Variants in COL6A2 observed in about 807,000 individuals in gnomAD.
COL6A2 encodes collagen type VI alpha 2 chain.
A neutral mutation model predicts 124.9 loss-of-function variants in COL6A2; 90 were observed. The ratio of observed to expected loss-of-function variants is 0.72; its 90% CI spans 0.61 to 0.86. The LOEUF is 0.86. Among genes scored for constraint, COL6A2 ranks in the 40% least tolerant of loss-of-function variants. The pLI, the probability that COL6A2 is intolerant of heterozygous loss-of-function variation, is 0.00. For synonymous variants in COL6A2, 793 were observed against 618.2 expected, an observed-to-expected ratio of 1.28 and a Z score of -4.19; for missense variants, 1,607 against 1,502.5, an observed-to-expected ratio of 1.07 and a Z score of -1.15.
chr21:46,132,343 G>T lies in COL6A2; in HGVS notation c.2851G>T (p.Val951Phe), dbSNP rs111630733. The change falls in exon 28 of 28, where the codon GTC becomes TTC. Residue 951 changes from valine (V) to phenylalanine (F), a missense_variant. This residue lies in a region of COL6A2 where 1,223 missense variants were observed against 1,052.2 expected (regional missense o/e 1.16). Transcript: ENST00000300527. ...GTCCTTCGTGTTCCTCACGGACGGC[G>T]TCACGGGCAACGACAGTCTGCACGA... The part of the protein sequence containing the change: ...ELSFVFLTDG[V>F]TGNDSLHESA... 51 of 1,608,084 alleles carry T rather than the reference G, an allele frequency of 3.2e-5. No homozygotes were observed. The highest frequency in any genetic ancestry group is 4.1e-5 in the Non-Finnish European group (48 of 1,179,570).
Position 46,112,345 on chromosome 21 carries a change from C to T in COL6A2, c.482C>T (p.Thr161Ile), listed in dbSNP as rs772499806. ...ACCGTCCACTTCGCCGTGGTCATCA[C>T]CGACGGCCACGTCACCGGCAGCCCC... is the stretch of plus-strand genomic sequence containing the variant. ...KGTVHFAVVI[T>I]DGHVTGSPCG... Residue 161 changes from threonine to isoleucine, a missense_variant, in exon 3 of 28, where the codon ACC becomes ATC. This residue lies in a region of COL6A2 where 342 missense variants were observed against 381.5 expected (regional missense o/e 0.90). Coordinates refer to ENST00000300527, the MANE Select transcript of COL6A2 (RefSeq NM_001849.4). 6.2e-7 allele frequency: 1 copy of T among 1,609,766 alleles called. No individual in the cohort carries two copies.
At chr21:46,102,609 A>G (rs1231714658) in intron 1 of COL6A2, among the ~76,000 whole-genome samples, 1 of 151,768 alleles carries the variant, frequency 6.6e-6, no homozygotes, top group African/African-American at 2.4e-5. Flanking sequence ...ATGAAAGGGT[A>G]TTGAATTTTG....
intron 1 of COL6A2, among the ~76,000 whole-genome samples, chr21:46,098,456 T>TG (rs34972836): frequency 0.83 from 125,063 of 150,954 alleles, 52,059 homozygotes; most frequent in Middle Eastern, 0.9. Context: ...CTGGGCGGGG[T>TG]GGGGGGGTCC....
chr21:46,132,237 G>C lies in COL6A2; in HGVS notation c.2745G>C (p.Ser915=). 1.2e-6 allele frequency: 2 copies of C among 1,600,938 alleles called. No homozygotes were observed. The highest frequency in any genetic ancestry group is 8.5e-7 in the Non-Finnish European group (1 of 1,175,436). ...CCACACAATACCTGAACTCCTTCTCGCACGTGGGCGCAGGCGTGGTGCACG... is the reference window on the plus strand; with the variant it reads ...CCACACAATACCTGAACTCCTTCTCCCACGTGGGCGCAGGCGTGGTGCACG... ...LETTQYLNSF[S]HVGAGVVHAI... Residue 915 remains serine, a synonymous_variant, in exon 28 of 28, where the codon TCG becomes TCC. Transcript: ENST00000300527.
chr21:46,131,818 G>C (rs2078763590), intron 27 of COL6A2, 136 bp from the exon 28 acceptor site: 1 of 841,788 alleles, frequency 1.2e-6, no homozygotes, highest in Non-Finnish European at 1.9e-6. Flanking sequence ...CTGCCCTGCA[G>C]AAACGCCCCC....
In COL6A2 at chr21:46,125,788, CGCGTGTGG is replaced by C; in HGVS notation, c.1979_1986del (p.Val660GlyfsTer10). 14 of 1,611,350 alleles carry C rather than the reference CGCGTGTGG, an allele frequency of 8.7e-6. No individual in the cohort carries two copies. Among genetic ancestry groups the C allele is most frequent in the Non-Finnish European group, 1.2e-5 (14 of 1,178,720 alleles). On this transcript the variant is annotated frameshift_variant, in exon 26 of 28. Transcript: ENST00000300527. LOFTEE classifies it high-confidence loss of function. ...ACCTCACGCGTGCGGCTTGCAGGGA[CGCGTGTGG>C]GCGTGGTGCAGTACAGCCACGAGGG...
Position 46,119,816 on chromosome 21 carries a change from G to A in COL6A2, c.1298G>A (p.Gly433Asp). ...CGCAGGGGAGACCCCGGCACCAAGG[G>A]CAGCCCAGGCAGCGATGGCCCCAAG... ...PGRRGDPGTK[G>D]SPGSDGPKGE... Residue 433 changes from glycine to aspartate, a missense_variant, in exon 15 of 28, where the codon GGC (glycine) becomes GAC (aspartate). Gly to Asp is a moderately conservative substitution (Grantham distance 94). Around this residue, in one of 3 missense-constraint regions of COL6A2, gnomAD observed 1,223 missense variants for 1,052.2 expected, o/e 1.16. Transcript: ENST00000300527. 1 of 1,563,846 alleles carries A rather than the reference G, an allele frequency of 6.4e-7. No homozygotes were observed. Among genetic ancestry groups the A allele is most frequent in the Non-Finnish European group, 8.7e-7 (1 of 1,153,734 alleles).
rs11554669 is a variant in COL6A2 at position 46,132,189 on chromosome 21, G to T, written c.2697G>T (p.Thr899=). The T allele has an allele frequency of 0.041, 64,178 of 1,575,690 alleles. 1,497 individuals are homozygous for T. The highest frequency in any genetic ancestry group is 0.054 in the South Asian group (4,727 of 87,110). Residue 899 remains threonine, a synonymous_variant, in exon 28 of 28, where the codon ACG becomes ACT. Transcript: ENST00000300527. The part of the protein sequence containing the change: ...QVAFPLSHNL[T]AIHEALETTQ... ...CCTTCCCGCTGAGCCACAACCTCAC[G>T]GCCATCCACGAGGCGCTGGAGACCA...
chr21:46,111,621 G>A (rs756505504), intron 2 of COL6A2, 30 bp downstream of exon 2: 14 of 1,187,488 alleles, frequency 1.2e-5, no homozygotes, highest in East Asian at 4.8e-5. Context: ...GGGGGCTCTG[G>A]GCATTTGGGG....
chr21:46,118,648 C>A lies in COL6A2; in HGVS notation c.1151C>A (p.Pro384Gln). 6.2e-7 allele frequency: 1 copy of A among 1,611,948 alleles called. No homozygotes were observed. ...DPGRPGRRGP[P>Q]GEIGAKGSKG... ...GGCCGCCCAGGACGCAGAGGGCCCC[C>A]GGGAGAAATCGGGGCCAAGGGAAGC... The change falls in exon 13 of 28, where the codon CCG becomes CAG. Residue 384 changes from proline (P) to glutamine (Q), a missense_variant. Coordinates refer to ENST00000300527, the MANE Select transcript of COL6A2 (RefSeq NM_001849.4).
At chr21:46,115,948 C>T (rs770550118) in intron 6 of COL6A2, 23 bp downstream of exon 6, 174 of 1,612,596 alleles carry the variant, frequency 1.1e-4, no homozygotes, top group Non-Finnish European at 1.4e-4. Context: ...GCCCCACGCC[C>T]GCCCCGCCTG....
At chr21:46,130,504 C>T (rs934586777) in intron 27 of COL6A2, among the ~76,000 whole-genome samples, 1 of 152,158 alleles carries the variant, frequency 6.6e-6, no homozygotes, top group Non-Finnish European at 1.5e-5. Flanking sequence ...CAGGGCAGGC[C>T]AGGCTGGTCT....
At chr21:46,117,807 G>C in intron 11 of COL6A2, 67 bp from the exon 12 acceptor site, 1 of 1,514,928 alleles carries the variant, frequency 6.6e-7, no homozygotes. Flanking sequence ...TGGAGCACTT[G>C]GGCCCTGGCT....
At chr21:46,114,339 C>T (rs959252155) in intron 5 of COL6A2, among the ~76,000 whole-genome samples, 4 of 151,588 alleles carry the variant, frequency 2.6e-5, no homozygotes, top group East Asian at 1.9e-4. Context: ...GCAGGAGAAT[C>T]GCTTGAACCT....
chr21:46,130,476 G>A (rs774626987), intron 27 of COL6A2, among the ~76,000 whole-genome samples: 5 of 152,138 alleles, frequency 3.3e-5, no homozygotes, highest in South Asian at 2.1e-4. Flanking sequence ...CCAGGTTCTC[G>A]TCCCCACACC....
rs35690093 is a variant in COL6A2 at position 46,099,455 on chromosome 21, C to CA, written c.-28+1309dup. Reference sequence around the variant, plus strand: ...CCTGGGTGAGGGAGCGAGACTGTCTCAAAAAAAAAAAAAAAAAAAAAAAAA... The same window carrying CA: ...CCTGGGTGAGGGAGCGAGACTGTCTCAAAAAAAAAAAAAAAAAAAAAAAAAA... On this transcript the variant is annotated intron_variant, in intron 1 of 27. Coordinates refer to ENST00000300527, the MANE Select transcript of COL6A2 (RefSeq NM_001849.4). Among the ~76,000 whole-genome samples, 456 of 68,634 alleles carry CA rather than the reference C, an allele frequency of 6.6e-3. 13 individuals are homozygous for CA. The highest frequency in any genetic ancestry group is 0.012 in the African/African-American group (211 of 17,448). The allele number at this position is 68,634 out of a possible 152,430, so 45.0% of individuals were successfully genotyped here.
chr21:46,109,134 C>T (rs961034489), intron 1 of COL6A2, among the ~76,000 whole-genome samples: 13 of 151,952 alleles, frequency 8.6e-5, no homozygotes, highest in Admixed American at 3.3e-4. Flanking sequence ...CCCTCGAGAG[C>T]GTGTCTCCTC....
rs869028897 is a variant in COL6A2 at position 46,099,889 on chromosome 21, C to CTTTTTTTTTT, written c.-28+1730_-28+1739dup. On this transcript the variant is annotated intron_variant, in intron 1 of 27. Coordinates refer to ENST00000300527, the MANE Select transcript of COL6A2 (RefSeq NM_001849.4). ...TCTCCACAATGGATAGCAGCACTGT[C>CTTTTTTTTTT]TTTTTTTTTTTTTTTTTTTTTTTCT... Among the ~76,000 whole-genome samples, 737 of 91,674 alleles carry CTTTTTTTTTT rather than the reference C, an allele frequency of 8.0e-3. 46 individuals are homozygous for CTTTTTTTTTT. Among genetic ancestry groups the CTTTTTTTTTT allele is most frequent in the East Asian group, 0.013 (34 of 2,540 alleles). 60.1% of individuals were successfully genotyped at this position (91,674 alleles called of 152,430 possible).
Position 46,125,440 on chromosome 21 carries a change from C to T in COL6A2, c.1817-25C>T, listed in dbSNP as rs771340535. On this transcript the variant is annotated intron_variant, in intron 24 of 27. Coordinates refer to ENST00000300527, the MANE Select transcript of COL6A2 (RefSeq NM_001849.4). ...AGGGTCTGAGGTCTCCCCGGTACCCCCCGATGACCCTGCCACCCCCCCAGA... is the reference window on the plus strand; with the variant it reads ...AGGGTCTGAGGTCTCCCCGGTACCCTCCGATGACCCTGCCACCCCCCCAGA... The T allele has an allele frequency of 1.1e-5, 17 of 1,610,368 alleles. No homozygotes were observed. In the Admixed American group the frequency reaches 2.7e-4, roughly 25 times the overall value.
Sources: gnomAD v4.1 joint callset for allele counts (sites outside exome capture counted in the v4.1 genomes callset) on GRCh38, gnomAD v4.1.1 for gene constraint, gnomAD v4.1.1 regional missense constraint, MANE v1.5 for transcripts, NCBI Gene and HGNC (gene_info 2026-07-23, HGNC 2026-07-21) for gene names.